CLNS1A: variants seen among roughly 807,000 people sequenced by gnomAD.
CLNS1A encodes the protein chloride nucleotide-sensitive channel 1A.
In CLNS1A, 16 loss-of-function variants were observed where a neutral mutation model predicts 29.4. The ratio of observed to expected loss-of-function variants is 0.54; its 90% CI spans 0.37 to 0.83. The LOEUF (loss-of-function observed/expected upper bound fraction) is 0.83. Among genes scored for constraint, CLNS1A ranks in the 40% least tolerant of loss-of-function variants. The pLI is 0.00. For missense variants in CLNS1A, 235 were observed against 287.4 expected, an observed-to-expected ratio of 0.82 and a Z score of 1.32; for synonymous variants, 96 against 104.8, an observed-to-expected ratio of 0.92 and a Z score of 0.51.
intron 6 of CLNS1A, 192 bp downstream of exon 6, chr11:77,619,414 C>A: frequency 1.8e-6 from 1 of 544,462 alleles, no homozygotes; most frequent in South Asian, 2.1e-5. Context: ...TGCCTATAGT[C>A]CCAGCTATTT....
intron 1 of CLNS1A, among the ~76,000 whole-genome samples, chr11:77,636,983 G>A (rs1330523143): frequency 1.3e-5 from 2 of 152,032 alleles, no homozygotes; most frequent in Non-Finnish European, 2.9e-5. Flanking sequence ...CCCAAAACGG[G>A]AGTCTGGTCC....
rs769624369 is a variant in CLNS1A at position 77,637,652 on chromosome 11, T to C, written c.63A>G (p.Pro21=). The C allele has an allele frequency of 6.3e-7, 1 of 1,580,576 alleles. No homozygotes were observed. The highest frequency in any genetic ancestry group is 8.6e-7 in the Non-Finnish European group (1 of 1,163,958). ...GPAEGLLRQQ[P]DTEAVLNGKG... ...TCCCGTTCAGCACAGCCTCAGTGTCTGGCTGCTGCCGCAGGAGCCCCTCCG... is the reference window on the plus strand; with the variant it reads ...TCCCGTTCAGCACAGCCTCAGTGTCCGGCTGCTGCCGCAGGAGCCCCTCCG... The change falls in exon 1 of 7, where the codon CCA becomes CCG. Residue 21 remains proline (P), a synonymous_variant. Coordinates refer to ENST00000525428, the MANE Select transcript of CLNS1A (RefSeq NM_001293.3).
chr11:77,630,233 T>C (rs995260352), intron 1 of CLNS1A, among the ~76,000 whole-genome samples: 1 of 152,186 alleles, frequency 6.6e-6, no homozygotes, highest in African/African-American at 2.4e-5. Flanking sequence ...CCTCCCCTCT[T>C]CCATGAGGCC....
At chr11:77,630,007 C>A (rs1190329981) in intron 1 of CLNS1A, 108 bp from the exon 2 acceptor site, 7 of 912,906 alleles carry the variant, frequency 7.7e-6, no homozygotes, top group Non-Finnish European at 1.1e-5. Flanking sequence ...TAAATAAATT[C>A]AAGTTTACTT....
intron 4 of CLNS1A, 80 bp from the exon 5 acceptor site, chr11:77,622,753 G>C (rs1487394592): frequency 1.8e-6 from 2 of 1,136,850 alleles, no homozygotes; most frequent in South Asian, 1.7e-5. Flanking sequence ...TCTGCCGCCA[G>C]CCTGGCCAAC....
chr11:77,629,555 G>A (rs1277114481), intron 2 of CLNS1A, among the ~76,000 whole-genome samples: 1 of 151,932 alleles, frequency 6.6e-6, no homozygotes, highest in Non-Finnish European at 1.5e-5. Context: ...CACCACGCCT[G>A]GCTAATTTTT....
intron 5 of CLNS1A, among the ~76,000 whole-genome samples, 200 bp downstream of exon 5, chr11:77,622,298 CAA>C (rs779646003): frequency 1.3e-5 from 2 of 152,170 alleles, no homozygotes; most frequent in South Asian, 4.2e-4. Flanking sequence ...TGACTATGAA[CAA>C]AGACTTTTTT....
intron 5 of CLNS1A, chr11:77,622,157 A>C: frequency 2.3e-6 from 1 of 442,894 alleles, no homozygotes; most frequent in African/African-American, 2.0e-5. Context: ...CCTGTATGAC[A>C]CTTTGTTATA....
chr11:77,626,550 A>G (rs1959021541), intron 2 of CLNS1A, among the ~76,000 whole-genome samples: 1 of 151,510 alleles, frequency 6.6e-6, no homozygotes, highest in African/African-American at 2.4e-5. Context: ...GAGGCAGGAG[A>G]ATCATTTGAA....
chr11:77,628,537 T>C (rs1416238122), intron 2 of CLNS1A, among the ~76,000 whole-genome samples: 1 of 152,204 alleles, frequency 6.6e-6, no homozygotes, highest in Non-Finnish European at 1.5e-5. Flanking sequence ...ATTTGAAATC[T>C]TATAACAAAA....
At chr11:77,637,079 A>G (rs954481532) in intron 1 of CLNS1A, among the ~76,000 whole-genome samples, 8 of 151,694 alleles carry the variant, frequency 5.3e-5, no homozygotes, top group African/African-American at 1.9e-4. Flanking sequence ...TTGTGTAACC[A>G]AACTTTAAAA....
In CLNS1A at chr11:77,625,759, G is replaced by T. The variant is rs1959011529; in HGVS notation, c.322C>A (p.Pro108Thr). The change falls in exon 3 of 7, where the codon CCT becomes ACT. Residue 108 changes from proline to threonine, a missense_variant. Transcript: ENST00000525428. ...GGCACAAATCTAAATTCAGTAATAG[G>T]TTCAACATCATCATCACTGTCTTCC... ...EEEDSDDDVEPITEFRFVPSD... is the reference protein window; with the variant it reads ...EEEDSDDDVETITEFRFVPSD... 3.7e-6 allele frequency: 6 copies of T among 1,611,764 alleles called. No homozygotes were observed. The highest frequency in any genetic ancestry group is 5.1e-6 in the Non-Finnish European group (6 of 1,178,384).
intron 1 of CLNS1A, 67 bp from the exon 2 acceptor site, chr11:77,629,966 T>TAA: frequency 6.7e-7 from 1 of 1,486,680 alleles, no homozygotes; most frequent in Non-Finnish European, 9.3e-7. Flanking sequence ...ACAAAGTATA[T>TAA]AAAAGTTCAG....
chr11:77,622,724 AAATGGAATCAAT>A, intron 4 of CLNS1A, 51 bp from the exon 5 acceptor site: 1 of 1,376,672 alleles, frequency 7.3e-7, no homozygotes, highest in South Asian at 1.4e-5. Flanking sequence ...AGAAAAAACA[AAATGGAATCAAT>A]AATATATCTG....
rs1051030689 is a variant in CLNS1A at position 77,629,688 on chromosome 11, C to T, written c.262+75G>A. 1.6e-5 allele frequency: 23 copies of T among 1,476,636 alleles called. No homozygotes were observed. In the Admixed American group the frequency reaches 4.0e-4, roughly 25 times the overall value. The allele number at this position is 1,476,636 out of a possible 1,614,324, so 91.5% of individuals were successfully genotyped here. ...GGATTACAGGCGTGAGCCACCGTGC[C>T]CGGCCTCAAAGACTCTTTTTTAAAA... On this transcript the variant is annotated intron_variant, in intron 2 of 6. Transcript: ENST00000525428.
chr11:77,633,581 G>A (rs1462746140), intron 1 of CLNS1A, among the ~76,000 whole-genome samples: 1 of 152,136 alleles, frequency 6.6e-6, no homozygotes, highest in Non-Finnish European at 1.5e-5. Flanking sequence ...AGTATGGTGA[G>A]TGTCCTTTAT....
At chr11:77,635,730 C>T (rs1415949612) in intron 1 of CLNS1A, among the ~76,000 whole-genome samples, 5 of 152,142 alleles carry the variant, frequency 3.3e-5, no homozygotes. Flanking sequence ...AAAGAAGCGT[C>T]AACATACAGA....
intron 1 of CLNS1A, among the ~76,000 whole-genome samples, chr11:77,637,200 TTAAGGGCAACGCACGCGCCAGACCTCCAG>T (rs1458339530): frequency 8.4e-6 from 1 of 119,712 alleles, no homozygotes; most frequent in East Asian, 2.6e-4. Context: ...AGACCGTGCG[TTAAGGGCAACGCACGCGCCAGACCTCCAG>T]TAAATAGGCG....
rs530905889 is a variant in CLNS1A, at chr11:77,636,078, A to T, written c.125+1512T>A. ...AGATACACATTCTTTTTTTATTTTT[A>T]TTTTTTTTTTGAGACAGGGTCTCAC... On this transcript the variant is annotated intron_variant, in intron 1 of 6. Transcript: ENST00000525428. Among the ~76,000 whole-genome samples, 894 of 148,474 alleles carry T rather than the reference A, an allele frequency of 6.0e-3. 14 individuals carry two copies. Among genetic ancestry groups the T allele is most frequent in the African/African-American group, 0.021 (833 of 40,502 alleles).
Sources: allele counts gnomAD v4.1 joint callset (sites outside exome capture counted in the v4.1 genomes callset), GRCh38; gene constraint gnomAD v4.1.1; transcripts MANE v1.5; gene names NCBI Gene and HGNC (gene_info 2026-07-23, HGNC 2026-07-21).